The following TGS1 variants were observed in gnomAD, a reference collection of about 807,000 sequenced individuals.
The protein encoded by TGS1 is trimethylguanosine synthase 1, also known as trimethylguanosine synthase.
In TGS1, 69 loss-of-function variants were observed where a neutral mutation model predicts 92.2. The ratio of observed to expected loss-of-function variants is 0.75; its 90% CI spans 0.62 to 0.91. TGS1 has a LOEUF of 0.91. Among genes scored for constraint, TGS1 ranks in the 40% least tolerant of loss-of-function variants. The pLI, the probability that TGS1 is intolerant of heterozygous loss-of-function variation, is 0.00. For synonymous variants in TGS1, 345 were observed against 338.1 expected (o/e 1.02, Z -0.22); for missense variants, 1,062 against 1,001.2 (o/e 1.06, Z -0.82).
chr8:55,774,025 G>T (rs1456817231), intron 1 of TGS1, among the ~76,000 whole-genome samples: 1 of 152,216 alleles, frequency 6.6e-6, no homozygotes. Flanking sequence ...CATGTAAAAT[G>T]AAATCTCTAG....
intron 5 of TGS1, among the ~76,000 whole-genome samples, chr8:55,791,197 C>T (rs999326209): frequency 4.6e-5 from 7 of 152,190 alleles, no homozygotes; most frequent in African/African-American, 1.7e-4. Flanking sequence ...TTTCTGTTTA[C>T]CACTGTGAAA....
chr8:55,824,717 C>A lies in TGS1; in HGVS notation c.*14C>A. On this transcript the variant is annotated 3_prime_UTR_variant, in exon 13 of 13. Transcript: ENST00000260129. ...TCTGAAACCTAACTATGCAGCAGTG[C>A]GAGGACAAAAGATCATGGAGTGGTC... The A allele has an allele frequency of 6.2e-7, 1 of 1,613,632 alleles. No individual in the cohort carries two copies.
At chr8:55,774,478 A>G (rs776258724) in intron 1 of TGS1, among the ~76,000 whole-genome samples, 1 of 152,190 alleles carries the variant, frequency 6.6e-6, no homozygotes, top group Non-Finnish European at 1.5e-5. Flanking sequence ...GAAGGAATTC[A>G]TTTTTCTCGT....
intron 9 of TGS1, 24 bp from the exon 10 acceptor site, chr8:55,804,869 A>G: frequency 6.2e-7 from 1 of 1,609,306 alleles, no homozygotes; most frequent in East Asian, 2.2e-5. Context: ...TGAACATGCT[A>G]ACACAAATAC....
At chr8:55,814,345 A>G (rs1484851248) in intron 12 of TGS1, among the ~76,000 whole-genome samples, 3 of 152,054 alleles carry the variant, frequency 2.0e-5, no homozygotes, top group East Asian at 1.9e-4. Flanking sequence ...AAACTGCCCA[A>G]AGTGGTTGTA....
intron 5 of TGS1, among the ~76,000 whole-genome samples, chr8:55,791,231 A>G (rs1811878385): frequency 1.3e-5 from 2 of 152,220 alleles, no homozygotes; most frequent in Admixed American, 1.3e-4. Context: ...AAACAGAGTC[A>G]CTTGTGTCAG....
chr8:55,812,941 A>T, intron 11 of TGS1, 99 bp from the exon 12 acceptor site: 1 of 923,682 alleles, frequency 1.1e-6, no homozygotes, highest in Non-Finnish European at 1.7e-6. Flanking sequence ...CCTTTTAGTT[A>T]CATTTTGAAA....
At chr8:55,787,403 G>C (rs1251242821) in intron 4 of TGS1, among the ~76,000 whole-genome samples, 1 of 152,160 alleles carries the variant, frequency 6.6e-6, no homozygotes, top group African/African-American at 2.4e-5. Context: ...AAGCAATTGA[G>C]AATGTACATT....
At position 55,824,923 on chromosome 8, in the gene TGS1, T is replaced by C. The variant is rs1200890685; in HGVS notation, c.*220T>C. ...AAAATTAATATATATGAGTCCTTTG[T>C]AATTTATTTTTTTTTGAGACAGGAT... On this transcript the variant is annotated 3_prime_UTR_variant, in exon 13 of 13. Transcript: ENST00000260129. The C allele has an allele frequency of 2.8e-5, 13 of 463,964 alleles. No individual in the cohort carries two copies. The East Asian group carries it at 5.7e-4, about 20-fold the overall frequency. The allele number at this position is 463,964 out of a possible 1,614,324, so 28.7% of individuals were successfully genotyped here. A position where few individuals can be genotyped will look rare whatever the true frequency, so the allele number is the denominator to read the frequency against.
At chr8:55,813,896 G>A (rs539132611) in intron 12 of TGS1, among the ~76,000 whole-genome samples, 1 of 152,120 alleles carries the variant, frequency 6.6e-6, no homozygotes, top group Non-Finnish European at 1.5e-5. Context: ...TGTGTTGCCT[G>A]TGCTTTAGAG....
intron 10 of TGS1, among the ~76,000 whole-genome samples, chr8:55,809,984 G>C (rs1030632318): frequency 6.6e-6 from 1 of 152,120 alleles, no homozygotes; most frequent in Non-Finnish European, 1.5e-5. Context: ...TTTAGAACAG[G>C]AAAAACACCA....
intron 2 of TGS1, among the ~76,000 whole-genome samples, chr8:55,783,016 C>T (rs1436495399): frequency 1.3e-5 from 2 of 152,128 alleles, no homozygotes; most frequent in Non-Finnish European, 2.9e-5. Flanking sequence ...TTTTCTATAG[C>T]TCCTGTGCTG....
Position 55,795,672 on chromosome 8 carries a change from C to CGTTT in TGS1, c.1368-289_1368-286dup, listed in dbSNP as rs201173930. 3.8e-3 allele frequency among the ~76,000 whole-genome samples: 572 copies of CGTTT among 152,096 alleles called. 5 individuals carry two copies. Among genetic ancestry groups the CGTTT allele is most frequent in the East Asian group, 0.017 (89 of 5,172 alleles). On this transcript the variant is annotated intron_variant, in intron 6 of 12. Transcript: ENST00000260129. Reference sequence around the variant, plus strand: ...TTCCCTAACAAGGGGATAGGGTTTTCGTTTGTTTGTTTGTTTGTTTTACTA... The same window carrying CGTTT: ...TTCCCTAACAAGGGGATAGGGTTTTCGTTTGTTTGTTTGTTTGTTTGTTTTACTA...
At chr8:55,788,865 G>A (rs1811795769) in intron 4 of TGS1, among the ~76,000 whole-genome samples, 1 of 152,012 alleles carries the variant, frequency 6.6e-6, no homozygotes, top group African/African-American at 2.4e-5. Context: ...TACATATTGG[G>A]CATTGTTTTG....
intron 1 of TGS1, among the ~76,000 whole-genome samples, chr8:55,782,364 G>C (rs750810106): frequency 6.6e-6 from 1 of 151,994 alleles, no homozygotes; most frequent in East Asian, 1.9e-4. Context: ...GTTTTCGATA[G>C]AGATGGGGTT....
intron 7 of TGS1, among the ~76,000 whole-genome samples, chr8:55,796,748 A>C (rs188559476): frequency 7.3e-4 from 111 of 151,508 alleles, no homozygotes; most frequent in Middle Eastern, 3.4e-3. Flanking sequence ...CCCAGCACTT[A>C]GGGAGGCTGA....
intron 1 of TGS1, among the ~76,000 whole-genome samples, chr8:55,775,452 C>G (rs907685273): frequency 1.3e-5 from 2 of 151,964 alleles, no homozygotes; most frequent in South Asian, 4.1e-4. Flanking sequence ...CCACTTAAGA[C>G]CATTGTTTAG....
At chr8:55,790,346 T>C (rs975317396) in intron 5 of TGS1, 47 bp downstream of exon 5, 2 of 1,187,580 alleles carry the variant, frequency 1.7e-6, no homozygotes, top group Admixed American at 1.7e-5. Context: ...AGAGTAAGCA[T>C]TTGTATGCAT....
In TGS1 at chr8:55,826,289, A is replaced by G. The variant is rs1389471404; in HGVS notation, c.*1586A>G. ...TTCCACAGCTCATTTTCTTACTTGT[A>G]TATTAATAAAGCTAACTCATCTTCC... On this transcript the variant is annotated 3_prime_UTR_variant, in exon 13 of 13. Transcript: ENST00000260129. Among the ~76,000 whole-genome samples, 2 of 152,108 alleles carry G rather than the reference A, an allele frequency of 1.3e-5. No homozygotes were observed. Among genetic ancestry groups the G allele is most frequent in the African/African-American group, 4.8e-5 (2 of 41,406 alleles).
Sources: allele counts gnomAD v4.1 joint callset (sites outside exome capture counted in the v4.1 genomes callset), GRCh38; gene constraint gnomAD v4.1.1; transcripts MANE v1.5; gene names NCBI Gene and HGNC (gene_info 2026-07-23, HGNC 2026-07-21).